Variants in ASPHD2 observed in about 807,000 individuals in gnomAD.
The protein encoded by ASPHD2 is aspartate beta-hydroxylase domain-containing protein 2.
ASPHD2 carries 12 observed loss-of-function variants against 34.6 expected under a neutral mutation model. That is an observed-to-expected ratio of 0.35 (90% confidence interval 0.22 to 0.56). ASPHD2 has a LOEUF of 0.56. ASPHD2 is among the 20% of genes least tolerant of loss of function. The pLI is 0.87. For missense variants in ASPHD2, 375 were observed against 505.0 expected (o/e 0.74, Z 2.47); for synonymous variants, 224 against 212.2 (o/e 1.06, Z -0.48).
At position 26,429,684 on chromosome 22, in the gene ASPHD2, G is replaced by T. The variant is rs531640724; in HGVS notation, c.-225+198G>T. On this transcript the variant is annotated intron_variant, in intron 1 of 3. Coordinates refer to ENST00000215906, the MANE Select transcript of ASPHD2 (RefSeq NM_020437.5). The surrounding 1 kb of genome is among the most constrained non-coding windows in gnomAD (Gnocchi z 4.5). ...CCCGGCCCGGCCGAGGCCAGTGCTC[G>T]TACGTGCTAAGCGCCGCCGCCTCGG... Among the ~76,000 whole-genome samples the T allele has an allele frequency of 6.6e-6, 1 of 151,840 alleles. No individual in the cohort carries two copies. Among genetic ancestry groups the T allele is most frequent in the African/African-American group, 2.4e-5 (1 of 41,476 alleles).
intron 2 of ASPHD2, among the ~76,000 whole-genome samples, chr22:26,435,991 G>T (rs2084790082): frequency 6.6e-6 from 1 of 152,176 alleles, no homozygotes; most frequent in Non-Finnish European, 1.5e-5. Flanking sequence ...ATCTTACATG[G>T]CCCCTTGGCA....
intron 2 of ASPHD2, among the ~76,000 whole-genome samples, chr22:26,438,598 CACATAT>C (rs2084813868): frequency 2.8e-5 from 1 of 36,334 alleles, no homozygotes; most frequent in East Asian, 6.7e-4. Context: ...TATATATACA[CACATAT>C]ATACATATAT....
intron 2 of ASPHD2, among the ~76,000 whole-genome samples, chr22:26,438,492 TACAC>T (rs549437838): frequency 0.015 from 1,463 of 97,400 alleles, 24 homozygotes; most frequent in Non-Finnish European, 0.025. Context: ...TATATATAGA[TACAC>T]ACATACATAT....
Position 26,442,502 on chromosome 22 carries a change from G to C in ASPHD2, c.930G>C (p.Glu310Asp). ...GCTGTGAGCTGGTGGTGGGGGGAGA[G>C]CCCCAGTGCTGGGCAGAAGGGCGCT... ...PNGCELVVGG[E>D]PQCWAEGRCL... Residue 310 changes from glutamate (E) to aspartate (D), a missense_variant, in exon 3 of 4, where the codon GAG (glutamate) becomes GAC (aspartate). Glu to Asp is a conservative substitution (Grantham distance 45). This residue lies in a region of ASPHD2 where 142 missense variants were observed against 217.9 expected (regional missense o/e 0.65). Transcript: ENST00000215906. 6.2e-7 allele frequency: 1 copy of C among 1,610,002 alleles called. No homozygotes were observed. Among genetic ancestry groups the C allele is most frequent in the Non-Finnish European group, 8.5e-7 (1 of 1,178,266 alleles).
At chr22:26,440,620 G>A (rs910909547) in intron 2 of ASPHD2, among the ~76,000 whole-genome samples, 2 of 152,150 alleles carry the variant, frequency 1.3e-5, no homozygotes, top group Admixed American at 6.5e-5. Flanking sequence ...ACAGGTGTGA[G>A]CCACTGTGCC....
chr22:26,443,026 C>T (rs2084865076), intron 3 of ASPHD2, 71 bp from the exon 4 acceptor site: 4 of 1,148,704 alleles, frequency 3.5e-6, no homozygotes, highest in Admixed American at 3.4e-5. Flanking sequence ...TAGGGTCCAG[C>T]CCTGCCTGGA....
At chr22:26,434,605 G>A (rs1047436114) in intron 2 of ASPHD2, 104 bp downstream of exon 2, 16 of 1,320,196 alleles carry the variant, frequency 1.2e-5, no homozygotes, top group East Asian at 9.4e-5. Flanking sequence ...GCGCCTTTTC[G>A]CATTGTTCAC....
In ASPHD2 at chr22:26,444,737, A is replaced by G. The variant is rs2084897403; in HGVS notation, c.*1531A>G. On this transcript the variant is annotated 3_prime_UTR_variant, in exon 4 of 4. Transcript: ENST00000215906. ...AGTTGAAATGCACCAGGCAGGTACT[A>G]GCAAGTGTGCAAAGAGCACGTCTAC... 1 of 152,278 alleles carries G rather than the reference A, an allele frequency of 6.6e-6. No homozygotes were observed. Among genetic ancestry groups the G allele is most frequent in the African/African-American group, 2.4e-5 (1 of 41,476 alleles). The allele number at this position is 152,278 out of a possible 1,614,324, so 9.4% of individuals were successfully genotyped here.
At chr22:26,442,625 T>C (rs1335413735) in intron 3 of ASPHD2, 53 bp downstream of exon 3, 1 of 1,429,060 alleles carries the variant, frequency 7.0e-7, no homozygotes, top group Admixed American at 2.2e-5. Context: ...ACTTTTATTT[T>C]TTTAGAGAAG....
intron 1 of ASPHD2, among the ~76,000 whole-genome samples, chr22:26,430,639 G>A (rs1297572751): frequency 6.6e-6 from 1 of 152,180 alleles, no homozygotes; most frequent in African/African-American, 2.4e-5. Context: ...TTGAAGCAGT[G>A]CTTAATAAAC....
rs1185539574 is a variant in ASPHD2, at chr22:26,433,857, A to C, written c.242A>C (p.Glu81Ala). 6.2e-7 allele frequency: 1 copy of C among 1,613,726 alleles called. No homozygotes were observed. Among genetic ancestry groups the C allele is most frequent in the African/African-American group, 1.3e-5 (1 of 74,912 alleles). ...TGGTACTGTTATCACGTGGGCAGGGAGCAGCCCCGGCCCTACGTCTCCGTC... is the reference window on the plus strand; with the variant it reads ...TGGTACTGTTATCACGTGGGCAGGGCGCAGCCCCGGCCCTACGTCTCCGTC... ...FVWYCYHVGREQPRPYVSVNS... is the reference protein window; with the variant it reads ...FVWYCYHVGRAQPRPYVSVNS... Residue 81 changes from glutamate (E) to alanine (A), a missense_variant, in exon 2 of 4, where the codon GAG (glutamate) becomes GCG (alanine). Physicochemically the swap from Glu to Ala is moderately radical, Grantham distance 107 (BLOSUM62 -1). Coordinates refer to ENST00000215906, the MANE Select transcript of ASPHD2 (RefSeq NM_020437.5). This position sits in a 1 kb window ranked among gnomAD's most constrained non-coding sequence, Gnocchi z 5.1.
intron 2 of ASPHD2, among the ~76,000 whole-genome samples, chr22:26,435,707 CACTAAAAGAAAAGAA>C (rs2084786984): frequency 7.5e-6 from 1 of 134,204 alleles, no homozygotes; most frequent in Non-Finnish European, 1.6e-5. Context: ...GATATCACTG[CACTAAAAGAAAAGAA>C]AAGAAAAGAA....
In ASPHD2 at chr22:26,429,920, A is replaced by T. The variant is rs902048239; in HGVS notation, c.-225+434A>T. 6.6e-6 allele frequency among the ~76,000 whole-genome samples: 1 copy of T among 151,526 alleles called. No individual in the cohort carries two copies. The highest frequency in any genetic ancestry group is 2.4e-5 in the African/African-American group (1 of 41,170). On this transcript the variant is annotated intron_variant, in intron 1 of 3. Coordinates refer to ENST00000215906, the MANE Select transcript of ASPHD2 (RefSeq NM_020437.5). The surrounding 1 kb of genome is among the most constrained non-coding windows in gnomAD (Gnocchi z 4.5). ...TGAGGCGCCATAAACCTCCTTCCACAATCTTGAGCTGATCGTCCACTTTTC... is the reference window on the plus strand; with the variant it reads ...TGAGGCGCCATAAACCTCCTTCCACTATCTTGAGCTGATCGTCCACTTTTC...
At chr22:26,436,835 T>C (rs991887267) in intron 2 of ASPHD2, among the ~76,000 whole-genome samples, 1 of 129,546 alleles carries the variant, frequency 7.7e-6, no homozygotes. Flanking sequence ...CTGTATGATA[T>C]GCATGCATGT....
chr22:26,443,364 C>T lies in ASPHD2; in HGVS notation c.*158C>T. On this transcript the variant is annotated 3_prime_UTR_variant, in exon 4 of 4. Transcript: ENST00000215906. ...TTTATATCATGTCGGGTCCCTCTTT[C>T]CCTTGGTTATTGTAAATGGAAACTT... 1.6e-6 allele frequency: 1 copy of T among 609,916 alleles called. No homozygotes were observed. Among genetic ancestry groups the T allele is most frequent in the Non-Finnish European group, 2.9e-6 (1 of 349,140 alleles). 37.8% of individuals were successfully genotyped at this position (609,916 alleles called of 1,614,324 possible).
In ASPHD2 at chr22:26,433,784, GAC is replaced by G; in HGVS notation, c.172_173del (p.Thr58HisfsTer54). The part of the protein sequence containing the change: ...ATGIQSVRDC[D>X]TTAVITVACL... ...CGGCATCCAGTCCGTGCGGGACTGC[GAC>G]ACCACCGCTGTCATCACTGTGGCCT... On this transcript the variant is annotated frameshift_variant, in exon 2 of 4. Transcript: ENST00000215906. LOFTEE classifies it high-confidence loss of function. The surrounding 1 kb of genome is among the most constrained non-coding windows in gnomAD (Gnocchi z 5.1). 2 of 1,613,870 alleles carry G rather than the reference GAC, an allele frequency of 1.2e-6. No homozygotes were observed. The highest frequency in any genetic ancestry group is 4.5e-5 in the East Asian group (2 of 44,878).
Position 26,433,596 on chromosome 22 carries a change from TC to T in ASPHD2, c.-13del, listed in dbSNP as rs768237466. On this transcript the variant is annotated 5_prime_UTR_variant, in exon 2 of 4. An upstream open reading frame in the 5' UTR loses its in-frame stop. Coordinates refer to ENST00000215906, the MANE Select transcript of ASPHD2 (RefSeq NM_020437.5). The surrounding 1 kb of genome is among the most constrained non-coding windows in gnomAD (Gnocchi z 5.1). Reference sequence around the variant, plus strand: ...GCCTCCCCCTGCCCCAGCCGCTCCTTCCCCCCCACGCTAATCTGCATGGTGT... The same window carrying T: ...GCCTCCCCCTGCCCCAGCCGCTCCTTCCCCCCACGCTAATCTGCATGGTGT... 11 of 1,593,030 alleles carry T rather than the reference TC, an allele frequency of 6.9e-6. No homozygotes were observed. The highest frequency in any genetic ancestry group is 1.1e-5 in the South Asian group (1 of 88,892).
chr22:26,436,676 T>C (rs2084794224), intron 2 of ASPHD2, among the ~76,000 whole-genome samples: 1 of 152,130 alleles, frequency 6.6e-6, no homozygotes, highest in African/African-American at 2.4e-5. Flanking sequence ...AGGTTTGCCT[T>C]TATGTATTGT....
At position 26,429,273 on chromosome 22, in the gene ASPHD2, G is replaced by C. The variant is rs1324558032; in HGVS notation, c.-438G>C. ...CGGCATTGTGGGAGTTGTGGTCTTC[G>C]CGGCCCCGCGGAGCGCAGCGCGGCG... On this transcript the variant is annotated 5_prime_UTR_variant, in exon 1 of 4. Transcript: ENST00000215906. The surrounding 1 kb of genome is among the most constrained non-coding windows in gnomAD (Gnocchi z 4.5). 6 of 149,044 alleles carry C rather than the reference G, an allele frequency of 4.0e-5. No individual in the cohort carries two copies. The allele number at this position is 149,044 out of a possible 1,614,324, so 9.2% of individuals were successfully genotyped here. A position where few individuals can be genotyped will look rare whatever the true frequency, so the allele number is the denominator to read the frequency against.
Sources: allele counts gnomAD v4.1 joint callset (sites outside exome capture counted in the v4.1 genomes callset), GRCh38; gene constraint gnomAD v4.1.1; regional missense constraint gnomAD v4.1.1; non-coding constraint Gnocchi (gnomAD v3.1); transcripts MANE v1.5; gene names NCBI Gene and HGNC (gene_info 2026-07-23, HGNC 2026-07-21).